GPR26: variants seen among roughly 807,000 people sequenced by gnomAD.
GPR26 encodes G protein-coupled receptor 26.
A neutral mutation model predicts 23.1 loss-of-function variants in GPR26; 15 were observed. The observed-to-expected ratio is 0.65, with a 90% CI of 0.43 to 1.00. The LOEUF (loss-of-function observed/expected upper bound fraction) is 1.00, where lower values mean the gene tolerates loss of function less well. GPR26 is among the 50% of genes least tolerant of loss of function. The pLI, the probability that GPR26 is intolerant of heterozygous loss-of-function variation, is 0.00. For missense variants in GPR26, 359 were observed against 470.5 expected, an observed-to-expected ratio of 0.76 and a Z score of 2.19; for synonymous variants, 228 against 222.1, an observed-to-expected ratio of 1.03 and a Z score of -0.24.
chr10:123,685,140 C>T (rs1388288783), intron 2 of GPR26, among the ~76,000 whole-genome samples: 1 of 152,134 alleles, frequency 6.6e-6, no homozygotes, highest in Non-Finnish European at 1.5e-5. Flanking sequence ...ACCCTGCCCA[C>T]TACTGACATG....
At chr10:123,683,174 C>G (rs1343034515) in intron 2 of GPR26, among the ~76,000 whole-genome samples, 3 of 75,608 alleles carry the variant, frequency 4.0e-5, no homozygotes, top group Non-Finnish European at 9.5e-5. Context: ...CTTGATCACA[C>G]TGAGGAATGG....
chr10:123,671,627 A>C (rs1308875359), intron 1 of GPR26, among the ~76,000 whole-genome samples: 2 of 152,004 alleles, frequency 1.3e-5, no homozygotes, highest in African/African-American at 4.8e-5. Context: ...TGCACCATAG[A>C]TTCTGCCTGC....
In GPR26 at chr10:123,691,705, G is replaced by C. The variant is rs1845492258; in HGVS notation, c.*3545G>C. On this transcript the variant is annotated 3_prime_UTR_variant, in exon 3 of 3. Coordinates refer to ENST00000284674, the MANE Select transcript of GPR26 (RefSeq NM_153442.4). ...AAAAAGAGGTCCGAGTCATATTTAG[G>C]GCTTCATGTGTCTGGAAGGGAGCCA... 6.6e-6 allele frequency: 1 copy of C among 152,126 alleles called. No individual in the cohort carries two copies. Among genetic ancestry groups the C allele is most frequent in the Non-Finnish European group, 1.5e-5 (1 of 68,032 alleles). The allele number at this position is 152,126 out of a possible 1,614,324, so 9.4% of individuals were successfully genotyped here. A position where few individuals can be genotyped will look rare whatever the true frequency, so the allele number is the denominator to read the frequency against.
At position 123,666,576 on chromosome 10, in the gene GPR26, G is replaced by A. The variant is rs1403092404; in HGVS notation, c.169G>A (p.Val57Met). The change falls in exon 1 of 3, where the codon GTG (valine) becomes ATG (methionine). Residue 57 changes from valine to methionine, a missense_variant. Coordinates refer to ENST00000284674, the MANE Select transcript of GPR26 (RefSeq NM_153442.4). ...CACGTGCGGGAACCTGCTGTGCACCGTGGTCAACATGCCGCTCACGCTGGC... is the reference window on the plus strand; with the variant it reads ...CACGTGCGGGAACCTGCTGTGCACCATGGTCAACATGCCGCTCACGCTGGC... ...NLTCGNLLCT[V>M]VNMPLTLAGV... is the part of the protein sequence containing the mutation. 4 of 1,597,434 alleles carry A rather than the reference G, an allele frequency of 2.5e-6. No homozygotes were observed. Among genetic ancestry groups the A allele is most frequent in the African/African-American group, 2.7e-5 (2 of 74,540 alleles).
Position 123,696,923 on chromosome 10 carries a change from G to A in GPR26, c.*8763G>A, listed in dbSNP as rs1211567125. Among the ~76,000 whole-genome samples, 3 of 151,876 alleles carry A rather than the reference G, an allele frequency of 2.0e-5. No homozygotes were observed. Among genetic ancestry groups the A allele is most frequent in the African/African-American group, 7.3e-5 (3 of 41,272 alleles). On this transcript the variant is annotated 3_prime_UTR_variant, in exon 3 of 3. Coordinates refer to ENST00000284674, the MANE Select transcript of GPR26 (RefSeq NM_153442.4). ...AATGTTTGTGTGCCCATGAGTATAT[G>A]CATATGGGTATATGTTTGTGTGCCC...
At position 123,694,500 on chromosome 10, in the gene GPR26, AT is replaced by A. The variant is rs1845521236; in HGVS notation, c.*6345del. The A allele has an allele frequency of 6.6e-6, 1 of 151,862 alleles. No individual in the cohort carries two copies. Among genetic ancestry groups the A allele is most frequent in the Admixed American group, 6.6e-5 (1 of 15,200 alleles). 9.4% of individuals were successfully genotyped at this position (151,862 alleles called of 1,614,324 possible). ...GAGAGGACATGGAGAAAATCCATAT[AT>A]TTTTAGCTACCAAAAAAGAGAAGGA... On this transcript the variant is annotated 3_prime_UTR_variant, in exon 3 of 3. Coordinates refer to ENST00000284674, the MANE Select transcript of GPR26 (RefSeq NM_153442.4).
Position 123,688,127 on chromosome 10 carries a change from T to C in GPR26, c.981T>C (p.Ser327=). Residue 327 remains serine, a synonymous_variant, in exon 3 of 3, where the codon TCT becomes TCC. Transcript: ENST00000284674. ...ACTCCTCTGGCCTCACAGGCGACTC[T>C]CACAGCCAGAACATTCTGCCGGTGT... The part of the protein sequence containing the change: ...SIHSSGLTGD[S]HSQNILPVSE 2 of 1,586,680 alleles carry C rather than the reference T, an allele frequency of 1.3e-6. No individual in the cohort carries two copies. The highest frequency in any genetic ancestry group is 1.7e-4 in the Middle Eastern group (1 of 5,902).
At chr10:123,679,023 G>A (rs942286259) in intron 2 of GPR26, among the ~76,000 whole-genome samples, 4 of 152,334 alleles carry the variant, frequency 2.6e-5, no homozygotes, top group Admixed American at 2.0e-4. Flanking sequence ...TCTGGAATCC[G>A]GATCACTGAC....
chr10:123,675,102 C>A (rs945102628), intron 2 of GPR26, among the ~76,000 whole-genome samples, 171 bp downstream of exon 2: 3 of 152,158 alleles, frequency 2.0e-5, no homozygotes, highest in Non-Finnish European at 4.4e-5. Flanking sequence ...CTTTTCCTCT[C>A]CACCCTCGAA....
Position 123,666,407 on chromosome 10 carries a change from C to G in GPR26, c.-1C>G. The G allele has an allele frequency of 6.8e-7, 1 of 1,472,784 alleles. No homozygotes were observed. The allele number at this position is 1,472,784 out of a possible 1,614,324, so 91.2% of individuals were successfully genotyped here. On this transcript the variant is annotated 5_prime_UTR_variant, in exon 1 of 3. Coordinates refer to ENST00000284674, the MANE Select transcript of GPR26 (RefSeq NM_153442.4). ...CTGAGCGCCGGCGCGGGGCGCGCAC[C>G]ATGAACTCGTGGGACGCGGGCCTGG...
intron 1 of GPR26, among the ~76,000 whole-genome samples, chr10:123,669,911 G>C (rs1845231901): frequency 6.6e-6 from 1 of 152,186 alleles, no homozygotes; most frequent in South Asian, 2.1e-4. Flanking sequence ...AACACCTGGT[G>C]CTCCATCTGA....
rs1845542410 is a variant in GPR26 at position 123,696,254 on chromosome 10, C to T, written c.*8094C>T. Among the ~76,000 whole-genome samples, 1 of 152,192 alleles carries T rather than the reference C, an allele frequency of 6.6e-6. No homozygotes were observed. Among genetic ancestry groups the T allele is most frequent in the Non-Finnish European group, 1.5e-5 (1 of 68,042 alleles). On this transcript the variant is annotated 3_prime_UTR_variant, in exon 3 of 3. Coordinates refer to ENST00000284674, the MANE Select transcript of GPR26 (RefSeq NM_153442.4). The stretch of plus-strand genomic sequence containing the variant: ...CGCCACACGGAGGCTTTACTCTGCC[C>T]AGTGTCCAATGGGAGAACCATCCCT...
chr10:123,682,765 A>G (rs1281376744), intron 2 of GPR26, among the ~76,000 whole-genome samples: 1 of 150,678 alleles, frequency 6.6e-6, no homozygotes, highest in East Asian at 2.0e-4. Flanking sequence ...TAGATGGGAG[A>G]GGGGTCTCAT....
At chr10:123,673,892 TTTC>T (rs766952502) in intron 1 of GPR26, among the ~76,000 whole-genome samples, 30 of 149,374 alleles carry the variant, frequency 2.0e-4, no homozygotes, top group Non-Finnish European at 3.4e-4. Flanking sequence ...ATGCTTTTCA[TTTC>T]TTCTTTTTTC....
In GPR26 at chr10:123,666,739, C is replaced by T. The variant is rs1382331412; in HGVS notation, c.332C>T (p.Pro111Leu). 1 of 1,598,210 alleles carries T rather than the reference C, an allele frequency of 6.3e-7. No individual in the cohort carries two copies. Among genetic ancestry groups the T allele is most frequent in the South Asian group, 1.1e-5 (1 of 89,830 alleles). The change falls in exon 1 of 3, where the codon CCG (proline) becomes CTG (leucine). Residue 111 changes from proline (P) to leucine (L), a missense_variant. Transcript: ENST00000284674. ...SIDRWVAVVFPLSYRAKMRLR... is the reference protein window; with the variant it reads ...SIDRWVAVVFLLSYRAKMRLR... ...GACCGCTGGGTGGCCGTGGTCTTCC[C>T]GCTGAGCTACCGGGCCAAGATGCGC...
chr10:123,687,780 G>A (rs1845444244), intron 2 of GPR26, 149 bp from the exon 3 acceptor site: 3 of 616,818 alleles, frequency 4.9e-6, no homozygotes, highest in Middle Eastern at 4.3e-4. Context: ...GGTGTAAACT[G>A]TTATTGTTAT....
chr10:123,685,019 T>C (rs947914778), intron 2 of GPR26, among the ~76,000 whole-genome samples: 1 of 152,202 alleles, frequency 6.6e-6, no homozygotes, highest in Non-Finnish European at 1.5e-5. Flanking sequence ...GCGAGCTGCC[T>C]GCCTCCCACG....
At chr10:123,667,924 T>TC (rs1197674855) in intron 1 of GPR26, among the ~76,000 whole-genome samples, 1 of 152,168 alleles carries the variant, frequency 6.6e-6, no homozygotes, top group Non-Finnish European at 1.5e-5. Flanking sequence ...ACCTCAGCTT[T>TC]CCCCAGGAGA....
Position 123,666,780 on chromosome 10 carries a change from C to G in GPR26, c.373C>G (p.Leu125Val), listed in dbSNP as rs1445431249. 2 of 1,605,176 alleles carry G rather than the reference C, an allele frequency of 1.2e-6. No individual in the cohort carries two copies. The highest frequency in any genetic ancestry group is 1.7e-6 in the Non-Finnish European group (2 of 1,177,674). The change falls in exon 1 of 3, where the codon CTC (leucine) becomes GTC (valine). Residue 125 changes from leucine (L) to valine (V), a missense_variant. Physicochemically the swap from Leu to Val is conservative, Grantham distance 32 (BLOSUM62 1). Transcript: ENST00000284674. ...RAKMRLRDAA[L>V]MVAYTWLHAL... The stretch of plus-strand genomic sequence containing the variant: ...CAAGATGCGCCTCCGCGACGCGGCG[C>G]TCATGGTGGCCTACACGTGGCTGCA...
Sources: allele counts gnomAD v4.1 joint callset (sites outside exome capture counted in the v4.1 genomes callset), GRCh38; gene constraint gnomAD v4.1.1; transcripts MANE v1.5; gene names NCBI Gene and HGNC (gene_info 2026-07-23, HGNC 2026-07-21).